Variants in OPCML observed in about 807,000 individuals in gnomAD.
OPCML encodes opioid binding protein/cell adhesion molecule like, also known as opioid-binding protein/cell adhesion molecule.
In OPCML, 13 loss-of-function variants were observed where a neutral mutation model predicts 37.8. That is an observed-to-expected ratio of 0.34 (90% CI 0.22 to 0.55). The LOEUF is 0.55. Among genes scored for constraint, OPCML ranks in the 20% least tolerant of loss-of-function variants. OPCML has a pLI of 0.91. For synonymous variants in OPCML, 176 were observed against 168.8 expected (o/e 1.04, Z -0.33); for missense variants, 341 against 435.6 (o/e 0.78, Z 1.93).
chr11:132,659,991 C>A (rs1191405969), intron 2 of OPCML, among the ~76,000 whole-genome samples: 1 of 151,866 alleles, frequency 6.6e-6, no homozygotes, highest in Non-Finnish European at 1.5e-5. Flanking sequence ...GTCCTATGAC[C>A]ATAAAACTTT....
intron 1 of OPCML, among the ~76,000 whole-genome samples, chr11:133,150,123 G>A (rs987289837): frequency 6.6e-6 from 1 of 152,236 alleles, no homozygotes; most frequent in Non-Finnish European, 1.5e-5. Context: ...ACCTTAAATA[G>A]TGGTCTTGGG....
chr11:132,629,375 A>G (rs1440108948), intron 3 of OPCML, among the ~76,000 whole-genome samples: 2 of 152,210 alleles, frequency 1.3e-5, no homozygotes, highest in Non-Finnish European at 2.9e-5. Flanking sequence ...CAGAAGATAA[A>G]TGAGAATTAT....
chr11:133,359,535 C>T (rs1297723551), intron 1 of OPCML, among the ~76,000 whole-genome samples: 1 of 150,528 alleles, frequency 6.6e-6, no homozygotes, highest in South Asian at 2.1e-4. Flanking sequence ...TTCTTCGAGG[C>T]AGAGTCACCA....
In OPCML at chr11:132,689,804, A is replaced by G. The variant is rs149063799; in HGVS notation, c.147-32485T>C. Among the ~76,000 whole-genome samples the G allele has an allele frequency of 4.3e-3, 652 of 152,324 alleles. 14 individuals are homozygous for G. Among genetic ancestry groups the G allele is most frequent in the African/African-American group, 0.015 (621 of 41,588 alleles). ...GAAATAAGCTTTGTAAAATACATCA[A>G]TGGAAAGAATGGGGCAGATGCATTT... On this transcript the variant is annotated intron_variant, in intron 2 of 7. Transcript: ENST00000524381.
intron 4 of OPCML, among the ~76,000 whole-genome samples, chr11:132,439,881 G>T (rs1215062164): frequency 6.6e-6 from 1 of 152,180 alleles, no homozygotes; most frequent in African/African-American, 2.4e-5. Context: ...GTCTCAGGCA[G>T]GGTCAACGTT....
At chr11:132,436,363 G>A (rs2096013077) in intron 6 of OPCML, 126 bp from the exon 7 acceptor site, 3 of 1,567,792 alleles carry the variant, frequency 1.9e-6, no homozygotes, top group Admixed American at 4.0e-5. Flanking sequence ...TCCAACAGGA[G>A]GAGAAGGGAA....
intron 1 of OPCML, among the ~76,000 whole-genome samples, chr11:133,145,489 T>C (rs1462135336): frequency 3.3e-5 from 5 of 152,284 alleles, no homozygotes; most frequent in Non-Finnish European, 5.9e-5. Context: ...GAAAAAGTTG[T>C]GCTGGAAGGA....
At chr11:133,344,440 C>G (rs77110284) in intron 1 of OPCML, among the ~76,000 whole-genome samples, 4 of 152,178 alleles carry the variant, frequency 2.6e-5, no homozygotes, top group Non-Finnish European at 5.9e-5. Context: ...TACCCCACTG[C>G]CCCTCTCCCA....
intron 2 of OPCML, among the ~76,000 whole-genome samples, chr11:132,763,460 T>A (rs1232773682): frequency 6.6e-6 from 1 of 152,144 alleles, no homozygotes; most frequent in Non-Finnish European, 1.5e-5. Context: ...CACCCACATT[T>A]GCCTAATTTG....
At position 132,667,657 on chromosome 11, in the gene OPCML, G is replaced by A. The variant is rs116321412; in HGVS notation, c.147-10338C>T. 4.6e-3 allele frequency among the ~76,000 whole-genome samples: 694 copies of A among 152,292 alleles called. 6 individuals are homozygous for A. The highest frequency in any genetic ancestry group is 0.016 in the African/African-American group (666 of 41,542). On this transcript the variant is annotated intron_variant, in intron 2 of 7. Coordinates refer to ENST00000524381, the MANE Select transcript of OPCML (RefSeq NM_001012393.5). ...TAAGAGAAACCTGGGTGGCTTTGTG[G>A]ATTCAGCTATGGGAAAGCCAGGAGG...
At chr11:132,677,276 T>G (rs1052886449) in intron 2 of OPCML, among the ~76,000 whole-genome samples, 1 of 152,162 alleles carries the variant, frequency 6.6e-6, no homozygotes, top group Non-Finnish European at 1.5e-5. Context: ...AGGTGTTCCA[T>G]GTTCACAAAC....
intron 7 of OPCML, among the ~76,000 whole-genome samples, chr11:132,423,724 G>T (rs1412640617): frequency 6.6e-6 from 1 of 152,206 alleles, no homozygotes; most frequent in Admixed American, 6.5e-5. Flanking sequence ...ATGGGTTGCT[G>T]CAATTTAAGT....
intron 2 of OPCML, among the ~76,000 whole-genome samples, chr11:132,668,501 G>A (rs1247893149): frequency 6.6e-6 from 1 of 152,144 alleles, no homozygotes; most frequent in Non-Finnish European, 1.5e-5. Context: ...GTGCTATTAT[G>A]AGGACTGAAG....
chr11:133,514,211 G>C (rs1462194454), intron 1 of OPCML, among the ~76,000 whole-genome samples: 3 of 152,206 alleles, frequency 2.0e-5, no homozygotes, highest in Non-Finnish European at 4.4e-5. Flanking sequence ...GATGCAATGA[G>C]GAACCAGTAC....
intron 1 of OPCML, among the ~76,000 whole-genome samples, chr11:133,127,972 T>C (rs1013179865): frequency 1.3e-5 from 2 of 152,054 alleles, no homozygotes; most frequent in Non-Finnish European, 2.9e-5. Flanking sequence ...ATGTGGTTTT[T>C]AAGATAGGCT....
intron 1 of OPCML, among the ~76,000 whole-genome samples, chr11:133,028,400 C>G (rs1231844115): frequency 2.0e-5 from 3 of 152,146 alleles, no homozygotes; most frequent in Admixed American, 1.3e-4. Context: ...TTACAGGAAA[C>G]TTTCCGAGAT....
chr11:133,451,073 G>A (rs1287629150), intron 1 of OPCML, among the ~76,000 whole-genome samples: 7 of 151,468 alleles, frequency 4.6e-5, no homozygotes, highest in South Asian at 2.1e-4. Flanking sequence ...TGTCTCTAAC[G>A]GGGGAAAAGG....
chr11:132,650,174 G>A (rs774719440), intron 3 of OPCML, among the ~76,000 whole-genome samples: 3 of 152,138 alleles, frequency 2.0e-5, no homozygotes, highest in East Asian at 1.9e-4. Flanking sequence ...GAACAACAAG[G>A]TTTACAGTCA....
At chr11:133,259,595 T>C (rs1348406290) in intron 1 of OPCML, among the ~76,000 whole-genome samples, 1 of 152,228 alleles carries the variant, frequency 6.6e-6, no homozygotes, top group East Asian at 1.9e-4. Context: ...CAAAAGCCTC[T>C]ATCTATTTGG....
Sources: allele counts gnomAD v4.1 joint callset (sites outside exome capture counted in the v4.1 genomes callset), GRCh38; gene constraint gnomAD v4.1.1; transcripts MANE v1.5; gene names NCBI Gene and HGNC (gene_info 2026-07-23, HGNC 2026-07-21).